The following TRHDE variants were observed in gnomAD, a reference collection of about 807,000 sequenced individuals.
TRHDE encodes the protein thyrotropin-releasing hormone-degrading ectoenzyme.
Under a neutral mutation model 125.7 loss-of-function variants are expected in TRHDE, and 72 were observed. That is an observed-to-expected ratio of 0.57 (90% CI 0.47 to 0.70). The LOEUF (loss-of-function observed/expected upper bound fraction) is 0.70. TRHDE is among the 30% of genes least tolerant of loss of function. TRHDE has a pLI of 0.00. For synonymous variants in TRHDE, 509 were observed against 509.1 expected (o/e 1.00, Z 0.00); for missense variants, 1,110 against 1,327.1 (o/e 0.84, Z 2.54).
intron 2 of TRHDE, among the ~76,000 whole-genome samples, chr12:72,150,998 A>T (rs1876349105): frequency 6.6e-6 from 1 of 152,182 alleles, no homozygotes; most frequent in African/African-American, 2.4e-5. Context: ...TGGTTGAACT[A>T]GTTTACAGTC....
At chr12:72,538,637 TG>T (rs1408592436) in intron 6 of TRHDE, among the ~76,000 whole-genome samples, 2 of 152,080 alleles carry the variant, frequency 1.3e-5, no homozygotes, top group Non-Finnish European at 2.9e-5. Context: ...CTCTGTTCCT[TG>T]GGTTCTATAC....
intron 2 of TRHDE, among the ~76,000 whole-genome samples, chr12:72,142,933 A>G (rs1387339392): frequency 6.6e-6 from 1 of 151,782 alleles, no homozygotes; most frequent in African/African-American, 2.4e-5. Context: ...AAAACCTTGC[A>G]TTCATCCTCA....
chr12:72,304,236 GT>G (rs1868306073), intron 2 of TRHDE, among the ~76,000 whole-genome samples: 1 of 152,040 alleles, frequency 6.6e-6, no homozygotes, highest in African/African-American at 2.4e-5. Flanking sequence ...TAATATGAAT[GT>G]CAATAGTCTT....
chr12:72,377,049 C>T (rs1275931223), intron 2 of TRHDE, among the ~76,000 whole-genome samples: 1 of 152,124 alleles, frequency 6.6e-6, no homozygotes. Context: ...TTCAATATCA[C>T]CCACCTTGGT....
At chr12:72,490,078 G>T (rs1248542010) in intron 5 of TRHDE, among the ~76,000 whole-genome samples, 2 of 151,708 alleles carry the variant, frequency 1.3e-5, no homozygotes, top group African/African-American at 4.8e-5. Context: ...AAAAAAGTTT[G>T]CCAGCCATAT....
intron 2 of TRHDE, among the ~76,000 whole-genome samples, chr12:72,227,106 A>C (rs139637401): frequency 1.3e-5 from 2 of 152,334 alleles, no homozygotes; most frequent in East Asian, 3.9e-4. Flanking sequence ...TTTAGAAATA[A>C]ATAAACTCTT....
chr12:72,272,089 C>T (rs1299526242), upstream of TRHDE: 1 of 457,482 alleles, frequency 2.2e-6, no homozygotes, highest in Non-Finnish European at 4.4e-6. The surrounding 1 kb of genome is among the most constrained non-coding windows in gnomAD (Gnocchi z 6.7). Context: ...GTGTATGGCT[C>T]GGGTGCCTCC....
chr12:72,582,565 A>T, intron 12 of TRHDE: 1 of 985,420 alleles, frequency 1.0e-6, no homozygotes, highest in Non-Finnish European at 1.2e-6. Context: ...AGTAAATAGT[A>T]GTATAATGTG....
At chr12:72,207,305 C>T (rs762014587) in intron 2 of TRHDE, among the ~76,000 whole-genome samples, 17 of 152,142 alleles carry the variant, frequency 1.1e-4, no homozygotes, top group Non-Finnish European at 1.9e-4. Context: ...CCCATGTAAC[C>T]TGATCCTTGG....
intron 15 of TRHDE, among the ~76,000 whole-genome samples, chr12:72,630,019 G>A (rs1410455216): frequency 6.7e-6 from 1 of 149,958 alleles, no homozygotes; most frequent in Admixed American, 6.7e-5. Context: ...TTCATTTTAT[G>A]TATATATAAT....
chr12:72,305,410 A>G (rs1453261910), intron 2 of TRHDE, among the ~76,000 whole-genome samples: 2 of 152,238 alleles, frequency 1.3e-5, no homozygotes, highest in Non-Finnish European at 2.9e-5. Flanking sequence ...GCTGTTGCTC[A>G]TGGTATGACT....
rs766584205 is a variant in TRHDE, at chr12:72,656,930, T to C, written c.2988T>C (p.Tyr996=). Reference sequence around the variant, plus strand: ...AAGACTCTTTTTTTCTTTTGAGGTATGGAGAAGCATTGTTTATGAATTCCA... The same window carrying C: ...AAGACTCTTTTTTTCTTTTGAGGTACGGAGAAGCATTGTTTATGAATTCCA... ...RDKWKILNTR[Y]GEALFMNSKL... is the part of the protein sequence containing the mutation. Residue 996 remains tyrosine, a synonymous_variant, in exon 18 of 19, where the codon TAT becomes TAC. Coordinates refer to ENST00000261180, the MANE Select transcript of TRHDE (RefSeq NM_013381.3). 4 of 1,603,704 alleles carry C rather than the reference T, an allele frequency of 2.5e-6. No homozygotes were observed. Among genetic ancestry groups the C allele is most frequent in the Admixed American group, 3.4e-5 (2 of 59,382 alleles).
chr12:72,283,532 C>T (rs1879771037), intron 1 of TRHDE, among the ~76,000 whole-genome samples: 1 of 152,070 alleles, frequency 6.6e-6, no homozygotes, highest in Non-Finnish European at 1.5e-5. Context: ...TGTATGAATT[C>T]ATTAAGAATA....
At chr12:72,646,251 T>C (rs1874275563) in intron 15 of TRHDE, among the ~76,000 whole-genome samples, 1 of 152,096 alleles carries the variant, frequency 6.6e-6, no homozygotes, top group South Asian at 2.1e-4. Flanking sequence ...AGTTTTTGTG[T>C]ACATTTAAGC....
chr12:72,442,833 C>T (rs1252521158), intron 3 of TRHDE, among the ~76,000 whole-genome samples: 1 of 151,784 alleles, frequency 6.6e-6, no homozygotes. Context: ...TCATATCAGT[C>T]ATCCAATTTC....
intron 2 of TRHDE, among the ~76,000 whole-genome samples, chr12:72,296,070 CTG>C (rs1880289016): frequency 1.3e-5 from 2 of 152,272 alleles, no homozygotes; most frequent in African/African-American, 4.8e-5. Flanking sequence ...CTCCTTTAGA[CTG>C]TGAACTCTTT....
At chr12:72,363,053 T>G (rs1871177414) in intron 2 of TRHDE, among the ~76,000 whole-genome samples, 2 of 152,036 alleles carry the variant, frequency 1.3e-5, no homozygotes, top group Non-Finnish European at 2.9e-5. Context: ...TGCAGGCTCT[T>G]TTTTGGTTCC....
At chr12:72,270,027 T>C (rs1443369622), upstream of TRHDE, among the ~76,000 whole-genome samples, 1 of 152,138 alleles carries the variant, frequency 6.6e-6, no homozygotes, top group Non-Finnish European at 1.5e-5. Context: ...AATACTAAAT[T>C]ACCAGTTTAA....
chr12:72,630,402 A>G (rs1022284874), intron 15 of TRHDE, among the ~76,000 whole-genome samples: 13 of 151,708 alleles, frequency 8.6e-5, no homozygotes, highest in Non-Finnish European at 1.5e-5. Flanking sequence ...GAAGCTGGAG[A>G]GAGGCATGGG....
Sources: allele counts gnomAD v4.1 joint callset (sites outside exome capture counted in the v4.1 genomes callset), GRCh38; gene constraint gnomAD v4.1.1; non-coding constraint Gnocchi (gnomAD v3.1); transcripts MANE v1.5; gene names NCBI Gene and HGNC (gene_info 2026-07-23, HGNC 2026-07-21).